MAPKBP1: variants seen among roughly 807,000 people sequenced by gnomAD.
The protein encoded by MAPKBP1 is mitogen-activated protein kinase binding protein 1.
In MAPKBP1, 71 loss-of-function variants were observed where a neutral mutation model predicts 170.5. The ratio of observed to expected loss-of-function variants is 0.42; its 90% CI spans 0.34 to 0.51. MAPKBP1 has a LOEUF of 0.51. Among genes scored for constraint, MAPKBP1 ranks in the 20% least tolerant of loss-of-function variants. The pLI, the probability that MAPKBP1 is intolerant of heterozygous loss-of-function variation, is 0.06. For missense variants in MAPKBP1, 1,598 were observed against 1,933.0 expected (o/e 0.83, Z 3.25); for synonymous variants, 719 against 757.9 (o/e 0.95, Z 0.84).
chr15:41,815,824 C>G (rs376639432), intron 12 of MAPKBP1, 25 bp downstream of exon 12: 1 of 1,598,118 alleles, frequency 6.3e-7, no homozygotes. Flanking sequence ...TGGGTGGGTA[C>G]TGACTGCCTC....
rs1351889996 is a variant in MAPKBP1 at position 41,826,352 on chromosome 15, G to A, written c.*916G>A. On this transcript the variant is annotated 3_prime_UTR_variant, in exon 31 of 31. Transcript: ENST00000457542. The stretch of plus-strand genomic sequence containing the variant: ...ACGGGGCGCTGGCCTACCTCCTGAG[G>A]ACCTCAGCCACAGATGAGATCACAC... The A allele has an allele frequency of 1.3e-5, 2 of 152,386 alleles. No homozygotes were observed. The highest frequency in any genetic ancestry group is 4.8e-5 in the African/African-American group (2 of 41,408). The allele number at this position is 152,386 out of a possible 1,614,324, so 9.4% of individuals were successfully genotyped here.
intron 2 of MAPKBP1, among the ~76,000 whole-genome samples, chr15:41,778,681 G>A (rs1029243298): frequency 6.6e-6 from 1 of 152,222 alleles, no homozygotes; most frequent in African/African-American, 2.4e-5. Context: ...TCATCTCTAA[G>A]TTGGGCTGTG....
intron 28 of MAPKBP1, 76 bp downstream of exon 28, chr15:41,823,298 T>C: frequency 6.4e-7 from 1 of 1,557,570 alleles, no homozygotes; most frequent in Admixed American, 1.8e-5. Flanking sequence ...AGGGAGGGCC[T>C]GGTGTGGCCC....
chr15:41,815,972 A>G (rs2064883882), intron 12 of MAPKBP1, among the ~76,000 whole-genome samples, 173 bp downstream of exon 12: 1 of 152,252 alleles, frequency 6.6e-6, no homozygotes, highest in African/African-American at 2.4e-5. Flanking sequence ...TCACCAAGTG[A>G]TCAAGGTTAA....
In MAPKBP1 at chr15:41,818,402, A is replaced by T; in HGVS notation, c.2092+97A>T. On this transcript the variant is annotated intron_variant, in intron 18 of 30. Coordinates refer to ENST00000457542, the MANE Select transcript of MAPKBP1 (RefSeq NM_014994.3). This position sits in a 1 kb window ranked among gnomAD's most constrained non-coding sequence, Gnocchi z 5.2. ...TTCACTCTTCTATTAGTTTCTTGGG[A>T]CCCGCAGAGCTACCTATCCCTACCC... 7.2e-7 allele frequency: 1 copy of T among 1,393,710 alleles called. No individual in the cohort carries two copies. Among genetic ancestry groups the T allele is most frequent in the Non-Finnish European group, 1.0e-6 (1 of 988,938 alleles). 86.3% of individuals were successfully genotyped at this position (1,393,710 alleles called of 1,614,324 possible).
intron 9 of MAPKBP1, 78 bp downstream of exon 9, chr15:41,813,859 A>C (rs900975099): frequency 7.5e-6 from 11 of 1,464,512 alleles, no homozygotes; most frequent in Middle Eastern, 3.6e-4. Flanking sequence ...CTCAGGGAGC[A>C]GGTGAAGAGT....
chr15:41,799,442 GT>G (rs1262012110), intron 2 of MAPKBP1, among the ~76,000 whole-genome samples: 1 of 152,156 alleles, frequency 6.6e-6, no homozygotes, highest in East Asian at 1.9e-4. Flanking sequence ...ACAAAGATCA[GT>G]GGCCTCACCC....
At chr15:41,790,429 T>G (rs1476725730) in intron 2 of MAPKBP1, among the ~76,000 whole-genome samples, 1 of 152,180 alleles carries the variant, frequency 6.6e-6, no homozygotes, top group Non-Finnish European at 1.5e-5. Flanking sequence ...AAAAAAACCT[T>G]AAGTTCTTTG....
At chr15:41,816,436 CT>C in intron 12 of MAPKBP1, 122 bp from the exon 13 acceptor site, 1 of 644,772 alleles carries the variant, frequency 1.6e-6, no homozygotes, top group Non-Finnish European at 2.7e-6. Flanking sequence ...CTTTCAGCAA[CT>C]TTTCTCTAAG....
intron 2 of MAPKBP1, among the ~76,000 whole-genome samples, chr15:41,795,163 CA>C (rs57214059): frequency 0.057 from 6,444 of 113,036 alleles, 295 homozygotes; most frequent in Admixed American, 0.14. Context: ...AACCCTGTCT[CA>C]AAAAAAAAAA....
chr15:41,775,073 A>T (rs2064074653), intron 1 of MAPKBP1, 94 bp from the exon 2 acceptor site: 2 of 562,610 alleles, frequency 3.6e-6, no homozygotes, highest in African/African-American at 3.8e-5. Flanking sequence ...GGGATGAGGG[A>T]AATGGTGAGA....
At chr15:41,811,498 T>C (rs1346322060) in intron 5 of MAPKBP1, 1 of 682,468 alleles carries the variant, frequency 1.5e-6, no homozygotes, top group Non-Finnish European at 2.7e-6. Context: ...AATGTGCATT[T>C]GTAACAAGTT....
chr15:41,775,466 T>C (rs1567129881), intron 2 of MAPKBP1, 77 bp downstream of exon 2: 2 of 1,064,350 alleles, frequency 1.9e-6, no homozygotes, highest in African/African-American at 1.6e-5. Context: ...TTCCTGTTTC[T>C]TGGGAAAGAT....
rs1398690489 is a variant in MAPKBP1, at chr15:41,818,783, A to G, written c.2157-40A>G. The G allele has an allele frequency of 6.2e-6, 10 of 1,610,364 alleles. No individual in the cohort carries two copies. Among genetic ancestry groups the G allele is most frequent in the Non-Finnish European group, 8.5e-6 (10 of 1,176,906 alleles). On this transcript the variant is annotated intron_variant, in intron 19 of 30. Coordinates refer to ENST00000457542, the MANE Select transcript of MAPKBP1 (RefSeq NM_014994.3). The surrounding 1 kb of genome is among the most constrained non-coding windows in gnomAD (Gnocchi z 5.2). ...GGGAACGAATGGCGCTAGCCATTCT[A>G]CCTGCCCCTCCTTCAGCCAACTGTG...
chr15:41,816,448 C>A, intron 12 of MAPKBP1, 111 bp from the exon 13 acceptor site: 1 of 702,018 alleles, frequency 1.4e-6, no homozygotes, highest in Non-Finnish European at 2.5e-6. Context: ...TTTCTCTAAG[C>A]CTAAAAGTTC....
chr15:41,810,745 G>A (rs955761099), intron 3 of MAPKBP1, 138 bp from the exon 4 acceptor site: 23 of 588,106 alleles, frequency 3.9e-5, no homozygotes, highest in South Asian at 1.3e-4. Context: ...AAAAAGAAAA[G>A]GAAAAAAACA....
At position 41,811,237 on chromosome 15, in the gene MAPKBP1, T is replaced by A. The variant is rs1482640328; in HGVS notation, c.327+2T>A. On this transcript the variant is annotated splice_donor_variant, in intron 5 of 30. Coordinates refer to ENST00000457542, the MANE Select transcript of MAPKBP1 (RefSeq NM_014994.3). LOFTEE classifies it high-confidence loss of function. ...GGCAAGTACTTGGTCACTGGAGAGG[T>A]GAGTGAGGAAGAGGGCTGGCAGTAC... 3 of 1,614,092 alleles carry A rather than the reference T, an allele frequency of 1.9e-6. No homozygotes were observed. Among genetic ancestry groups the A allele is most frequent in the Non-Finnish European group, 2.5e-6 (3 of 1,180,014 alleles).
chr15:41,794,871 G>T (rs901164016), intron 2 of MAPKBP1, among the ~76,000 whole-genome samples: 1 of 152,128 alleles, frequency 6.6e-6, no homozygotes, highest in East Asian at 1.9e-4. Context: ...ATGAAGAAAA[G>T]TAAGGCTGGG....
At chr15:41,789,673 A>G (rs1046051672) in intron 2 of MAPKBP1, among the ~76,000 whole-genome samples, 2 of 152,226 alleles carry the variant, frequency 1.3e-5, no homozygotes, top group African/African-American at 4.8e-5. Context: ...ATACTCTGGC[A>G]TTAGGAAGAC....
Sources: gnomAD v4.1 joint callset for allele counts (sites outside exome capture counted in the v4.1 genomes callset) on GRCh38, gnomAD v4.1.1 for gene constraint, Gnocchi (gnomAD v3.1) non-coding constraint, MANE v1.5 for transcripts, NCBI Gene and HGNC (gene_info 2026-07-23, HGNC 2026-07-21) for gene names.